The following SCAPER variants were observed in gnomAD, a reference collection of about 807,000 sequenced individuals.
SCAPER encodes the protein S phase cyclin A-associated protein in the endoplasmic reticulum.
In SCAPER, 98 loss-of-function variants were observed where a neutral mutation model predicts 182.2. The observed-to-expected ratio is 0.54, with a 90% CI of 0.46 to 0.64. The LOEUF (loss-of-function observed/expected upper bound fraction) is 0.64. Ranked by LOEUF, SCAPER falls within the 30% of genes least tolerant of loss-of-function variation. The pLI, the probability that SCAPER is intolerant of heterozygous loss-of-function variation, is 0.00. For synonymous variants in SCAPER, 605 were observed against 564.6 expected, an observed-to-expected ratio of 1.07 and a Z score of -1.01; for missense variants, 1,432 against 1,690.0, an observed-to-expected ratio of 0.85 and a Z score of 2.68.
At chr15:76,436,794 T>A (rs988781925) in intron 25 of SCAPER, among the ~76,000 whole-genome samples, 1 of 152,226 alleles carries the variant, frequency 6.6e-6, no homozygotes, top group Non-Finnish European at 1.5e-5. Context: ...AGAAGCTGAA[T>A]ACAAACTTCT....
intron 25 of SCAPER, among the ~76,000 whole-genome samples, chr15:76,469,654 T>G (rs1277539396): frequency 6.6e-6 from 1 of 152,150 alleles, no homozygotes; most frequent in African/African-American, 2.4e-5. Flanking sequence ...GTCCCCCAAC[T>G]TGGGTATGAT....
At chr15:76,708,820 C>T in intron 17 of SCAPER, among the ~76,000 whole-genome samples, 1 of 152,118 alleles carries the variant, frequency 6.6e-6, no homozygotes, top group Non-Finnish European at 1.5e-5. Context: ...AATCCCAGCA[C>T]TTTGGGAGGC....
intron 30 of SCAPER, 40 bp from the exon 31 acceptor site, chr15:76,351,328 G>A (rs1234639118): frequency 1.3e-6 from 2 of 1,556,956 alleles, no homozygotes; most frequent in Non-Finnish European, 1.7e-6. Flanking sequence ...TCAATGCTAT[G>A]AACAGAGAAT....
chr15:76,787,191 T>G (rs541699759), intron 8 of SCAPER, among the ~76,000 whole-genome samples: 1 of 152,194 alleles, frequency 6.6e-6, no homozygotes, highest in Non-Finnish European at 1.5e-5. Flanking sequence ...AAAACAATTT[T>G]GAAAAAGAAA....
chr15:76,442,062 T>C (rs993651409), intron 25 of SCAPER, among the ~76,000 whole-genome samples: 3 of 152,142 alleles, frequency 2.0e-5, no homozygotes, highest in Non-Finnish European at 4.4e-5. Context: ...TATACATGTA[T>C]ATATAGATAT....
intron 29 of SCAPER, among the ~76,000 whole-genome samples, chr15:76,372,620 T>C (rs1250234206): frequency 6.6e-6 from 1 of 152,212 alleles, no homozygotes; most frequent in Non-Finnish European, 1.5e-5. Flanking sequence ...CCATCCTTAA[T>C]ATGAAATGCA....
chr15:76,654,395 G>A (rs988313489), intron 21 of SCAPER, among the ~76,000 whole-genome samples: 4 of 152,070 alleles, frequency 2.6e-5, no homozygotes, highest in South Asian at 2.1e-4. Context: ...GTGACAGAGC[G>A]AGACTCCGTC....
intron 25 of SCAPER, among the ~76,000 whole-genome samples, chr15:76,447,663 C>T (rs1209775532): frequency 1.3e-5 from 2 of 152,122 alleles, no homozygotes; most frequent in Non-Finnish European, 2.9e-5. Context: ...GTTTGTTATT[C>T]CTATATTCTT....
At chr15:76,727,972 G>A (rs988105748) in intron 17 of SCAPER, among the ~76,000 whole-genome samples, 3 of 151,926 alleles carry the variant, frequency 2.0e-5, no homozygotes, top group African/African-American at 4.8e-5. Context: ...ATTAATCAGG[G>A]ACAAGTAGAA....
At chr15:76,631,825 T>C (rs548309533) in intron 21 of SCAPER, among the ~76,000 whole-genome samples, 11 of 152,326 alleles carry the variant, frequency 7.2e-5, no homozygotes, top group African/African-American at 2.6e-4. Flanking sequence ...AATGTGAATA[T>C]TGGCCTGTCT....
chr15:76,806,301 T>C (rs1402435125), intron 5 of SCAPER, among the ~76,000 whole-genome samples: 1 of 152,194 alleles, frequency 6.6e-6, no homozygotes, highest in Non-Finnish European at 1.5e-5. Flanking sequence ...TACTATTCTT[T>C]CCCTCATTAA....
At chr15:76,746,123 G>A (rs1189797260) in intron 15 of SCAPER, among the ~76,000 whole-genome samples, 1 of 152,180 alleles carries the variant, frequency 6.6e-6, no homozygotes, top group Non-Finnish European at 1.5e-5. Context: ...AGATGGAGAA[G>A]AAGCATTTGA....
chr15:76,826,385 G>C (rs1241980394), intron 5 of SCAPER, among the ~76,000 whole-genome samples: 6 of 136,598 alleles, frequency 4.4e-5, no homozygotes, highest in Non-Finnish European at 9.2e-5. Flanking sequence ...ACACAGGAAG[G>C]GGAACATCAC....
intron 1 of SCAPER, among the ~76,000 whole-genome samples, chr15:76,888,435 T>C (rs1568412733): frequency 6.6e-6 from 1 of 151,872 alleles, no homozygotes; most frequent in Admixed American, 6.6e-5. Flanking sequence ...TGAAAAAAGG[T>C]TAGACGAATG....
chr15:76,848,199 C>T (rs1292358686), intron 4 of SCAPER, among the ~76,000 whole-genome samples: 1 of 151,878 alleles, frequency 6.6e-6, no homozygotes, highest in South Asian at 2.1e-4. Flanking sequence ...GGGGTTTCAC[C>T]ATGCTGGCCA....
At chr15:76,691,167 A>G (rs887410891) in intron 20 of SCAPER, among the ~76,000 whole-genome samples, 4 of 152,224 alleles carry the variant, frequency 2.6e-5, no homozygotes, top group Admixed American at 2.0e-4. Context: ...TAGAATAAAA[A>G]TGCTCAGTGG....
chr15:76,883,050 A>C (rs1243430315), intron 2 of SCAPER, among the ~76,000 whole-genome samples: 1 of 152,194 alleles, frequency 6.6e-6, no homozygotes, highest in Non-Finnish European at 1.5e-5. Flanking sequence ...ACCAAAATCC[A>C]AAAGGAATCA....
At chr15:76,358,725 CAT>C (rs1309548694) in intron 29 of SCAPER, among the ~76,000 whole-genome samples, 1 of 152,252 alleles carries the variant, frequency 6.6e-6, no homozygotes, top group African/African-American at 2.4e-5. Context: ...AGGGCTTTAA[CAT>C]ATGAATTCTG....
intron 9 of SCAPER, among the ~76,000 whole-genome samples, chr15:76,773,723 G>A (rs372266230): frequency 6.6e-6 from 1 of 151,954 alleles, no homozygotes. Context: ...AGTAAAGGAA[G>A]ATAAGGAATT....
Sources: allele counts gnomAD v4.1 joint callset (sites outside exome capture counted in the v4.1 genomes callset), GRCh38; gene constraint gnomAD v4.1.1; transcripts MANE v1.5; gene names NCBI Gene and HGNC (gene_info 2026-07-23, HGNC 2026-07-21).